Variants in DTD1 observed in about 807,000 individuals in gnomAD.
DTD1 encodes the protein D-aminoacyl-tRNA deacylase 1, also known as D-tyrosyl-tRNA deacylase 1 homolog.
Under a neutral mutation model 25.6 loss-of-function variants are expected in DTD1, and 13 were observed. That is an observed-to-expected ratio of 0.51 (90% CI 0.33 to 0.81). The LOEUF (loss-of-function observed/expected upper bound fraction) is 0.81. DTD1 is among the 30% of genes least tolerant of loss of function. DTD1 has a pLI of 0.02. For synonymous variants in DTD1, 110 were observed against 103.6 expected (o/e 1.06, Z -0.37); for missense variants, 193 against 266.4 (o/e 0.72, Z 1.92).
intron 4 of DTD1, among the ~76,000 whole-genome samples, chr20:18,638,857 T>TCC: frequency 6.6e-6 from 1 of 152,176 alleles, no homozygotes; most frequent in African/African-American, 2.4e-5. Context: ...AGATTCTGGA[T>TCC]ACACTTTGGA....
intron 5 of DTD1, among the ~76,000 whole-genome samples, chr20:18,761,920 C>T (rs942475440): frequency 6.6e-6 from 1 of 152,228 alleles, no homozygotes; most frequent in Non-Finnish European, 1.5e-5. Flanking sequence ...GTTGTCTGTT[C>T]TCCACCCACT....
intron 4 of DTD1, among the ~76,000 whole-genome samples, chr20:18,689,996 C>T (rs2061038038): frequency 2.1e-5 from 1 of 48,518 alleles, no homozygotes; most frequent in Middle Eastern, 0.011. Flanking sequence ...ATAAGCCAGG[C>T]GTGGTGGTGT....
chr20:18,619,994 T>G (rs887347293), intron 3 of DTD1: 6 of 152,142 alleles, frequency 3.9e-5, no homozygotes, highest in Admixed American at 3.3e-4. Context: ...TTTTAAAAAC[T>G]TCCATTCACT....
chr20:18,720,254 T>C (rs2061196714), intron 4 of DTD1, among the ~76,000 whole-genome samples: 1 of 152,220 alleles, frequency 6.6e-6, no homozygotes, highest in Admixed American at 6.5e-5. Context: ...AAATGACCAA[T>C]TGGTTTTCTA....
intron 4 of DTD1, among the ~76,000 whole-genome samples, chr20:18,678,110 G>A (rs1174471672): frequency 6.6e-6 from 1 of 152,230 alleles, no homozygotes; most frequent in Non-Finnish European, 1.5e-5. Flanking sequence ...AAACCAAGAG[G>A]TTCACTAAAT....
chr20:18,643,298 G>T, intron 4 of DTD1: 1 of 333,670 alleles, frequency 3.0e-6, no homozygotes. Context: ...TTGAGAGTGC[G>T]TAGTTGAGAG....
At chr20:18,729,099 A>C (rs1047480650) in intron 4 of DTD1, among the ~76,000 whole-genome samples, 1 of 152,054 alleles carries the variant, frequency 6.6e-6, no homozygotes, top group African/African-American at 2.4e-5. Flanking sequence ...GACCTCCTGG[A>C]CTCAAACCAT....
At chr20:18,614,224 G>A (rs80258336) in intron 3 of DTD1, among the ~76,000 whole-genome samples, 7 of 152,162 alleles carry the variant, frequency 4.6e-5, no homozygotes, top group African/African-American at 1.7e-4. Context: ...CAAGCACTGA[G>A]CATCCCACAT....
At chr20:18,665,158 A>G (rs1434889327) in intron 4 of DTD1, among the ~76,000 whole-genome samples, 1 of 152,174 alleles carries the variant, frequency 6.6e-6, no homozygotes, top group Admixed American at 6.5e-5. Context: ...CAATCTTTTT[A>G]TCAGTAGTGT....
At chr20:18,661,011 C>T (rs917424852) in intron 4 of DTD1, among the ~76,000 whole-genome samples, 19 of 152,142 alleles carry the variant, frequency 1.2e-4, no homozygotes, top group African/African-American at 4.3e-4. Flanking sequence ...CTTGTTGATC[C>T]AGCACTGTCT....
intron 4 of DTD1, among the ~76,000 whole-genome samples, chr20:18,689,074 A>G (rs537613889): frequency 1.3e-5 from 2 of 152,344 alleles, no homozygotes; most frequent in East Asian, 3.9e-4. Context: ...TTAAAGTTTA[A>G]TGCGTGGACC....
intron 4 of DTD1, among the ~76,000 whole-genome samples, chr20:18,731,129 C>T (rs1410828505): frequency 1.3e-5 from 2 of 152,228 alleles, no homozygotes; most frequent in Non-Finnish European, 1.5e-5. Context: ...CCCTTATGTA[C>T]TGAGCCTTTC....
chr20:18,755,790 A>G (rs1221856639), intron 5 of DTD1, among the ~76,000 whole-genome samples: 1 of 152,132 alleles, frequency 6.6e-6, no homozygotes, highest in Non-Finnish European at 1.5e-5. Context: ...ATACCCAGTA[A>G]TGGGATGGCT....
chr20:18,743,599 A>AG (rs2061286827), intron 4 of DTD1, among the ~76,000 whole-genome samples: 1 of 148,358 alleles, frequency 6.7e-6, no homozygotes, highest in South Asian at 2.2e-4. Flanking sequence ...ACTTGAACCC[A>AG]GGAGGTTGAG....
rs187016926 is a variant in DTD1, at chr20:18,595,281, T to G, written c.135-725T>G. ...TGAATTGTTCTTTCTTTTTTTTTTC[T>G]TTTGAGACAGAGTCTCCCTCTGTCA... On this transcript the variant is annotated intron_variant, in intron 2 of 5. Transcript: ENST00000377452. Among the ~76,000 whole-genome samples, 35 of 152,282 alleles carry G rather than the reference T, an allele frequency of 2.3e-4. 2 individuals are homozygous for G. The highest frequency in any genetic ancestry group is 1.1e-3 in the Admixed American group (17 of 15,290).
intron 3 of DTD1, among the ~76,000 whole-genome samples, chr20:18,618,265 T>C (rs1296235764): frequency 6.6e-6 from 1 of 152,152 alleles, no homozygotes; most frequent in African/African-American, 2.4e-5. Flanking sequence ...ATGCACAGAG[T>C]GTGGTTGGAC....
chr20:18,744,544 G>C (rs545198934), intron 5 of DTD1, among the ~76,000 whole-genome samples: 11 of 150,974 alleles, frequency 7.3e-5, no homozygotes, highest in African/African-American at 2.7e-4. Flanking sequence ...TCACAATCAT[G>C]GTTGAAGGCA....
chr20:18,689,011 G>A (rs1271226871), intron 4 of DTD1, among the ~76,000 whole-genome samples: 1 of 152,180 alleles, frequency 6.6e-6, no homozygotes, highest in Non-Finnish European at 1.5e-5. Context: ...ATTGAAATTA[G>A]AAACATTGTG....
rs145164032 is a variant in DTD1, at chr20:18,726,257, T to G, written c.478-17843T>G. Reference sequence around the variant, plus strand: ...GACCTTCCTAGTGACAATGGGGGCATTTTCTTTTCAGGCTTCGTCAAGTGC... The same window carrying G: ...GACCTTCCTAGTGACAATGGGGGCAGTTTCTTTTCAGGCTTCGTCAAGTGC... On this transcript the variant is annotated intron_variant, in intron 4 of 5. Transcript: ENST00000377452. Among the ~76,000 whole-genome samples, 704 of 152,304 alleles carry G rather than the reference T, an allele frequency of 4.6e-3. 4 individuals are homozygous for G. Among genetic ancestry groups the G allele is most frequent in the African/African-American group, 0.016 (659 of 41,574 alleles).
Sources: allele counts gnomAD v4.1 joint callset (sites outside exome capture counted in the v4.1 genomes callset), GRCh38; gene constraint gnomAD v4.1.1; transcripts MANE v1.5; gene names NCBI Gene and HGNC (gene_info 2026-07-23, HGNC 2026-07-21).